NKD1: variants seen among roughly 807,000 people sequenced by gnomAD.
The protein encoded by NKD1 is NKD inhibitor of Wnt signaling pathway 1.
A neutral mutation model predicts 56.0 loss-of-function variants in NKD1; 21 were observed. The ratio of observed to expected loss-of-function variants is 0.38; its 90% CI spans 0.27 to 0.54. The LOEUF is 0.54. NKD1 is among the 20% of genes least tolerant of loss of function. NKD1 has a pLI of 0.82. For missense variants in NKD1, 578 were observed against 642.7 expected, an observed-to-expected ratio of 0.90 and a Z score of 1.09; for synonymous variants, 263 against 265.7, an observed-to-expected ratio of 0.99 and a Z score of 0.10.
rs142749360 is a variant in NKD1 at position 50,555,149 on chromosome 16, G to C, written c.192+5594G>C. Among the ~76,000 whole-genome samples, 833 of 152,228 alleles carry C rather than the reference G, an allele frequency of 5.5e-3. 4 individuals carry two copies. Among genetic ancestry groups the C allele is most frequent in the African/African-American group, 0.019 (794 of 41,526 alleles). On this transcript the variant is annotated intron_variant, in intron 3 of 9. Transcript: ENST00000268459. ...GAGAGAGGAGGAAGGAGTTGGAGGT[G>C]GGGGGAAGAGCTGACCGAGGCCCCA... is the stretch of plus-strand genomic sequence containing the variant.
rs148712959 is a variant in NKD1 at position 50,636,748 on chromosome 16, A to C, written c.*2967A>C. 3.9e-5 allele frequency: 6 copies of C among 152,324 alleles called. No homozygotes were observed. In the East Asian group the frequency reaches 1.2e-3, roughly 29 times the overall value. The allele number at this position is 152,324 out of a possible 1,614,324, so 9.4% of individuals were successfully genotyped here. ...TATATCTTCCCATATGCATTTTGTTAATTTTTAAAGTATTTCAAACACAAA... is the reference window on the plus strand; with the variant it reads ...TATATCTTCCCATATGCATTTTGTTCATTTTTAAAGTATTTCAAACACAAA... On this transcript the variant is annotated 3_prime_UTR_variant, in exon 10 of 10. Transcript: ENST00000268459.
intron 3 of NKD1, among the ~76,000 whole-genome samples, chr16:50,567,887 A>G (rs1009745212): frequency 6.6e-6 from 1 of 152,280 alleles, no homozygotes; most frequent in Non-Finnish European, 1.5e-5. Flanking sequence ...TGAGCTTGTC[A>G]TAAAACTGGC....
In NKD1 at chr16:50,640,851, AAAC is replaced by A. The variant is rs1434273796; in HGVS notation, c.*7074_*7076del. The A allele has an allele frequency of 6.6e-6, 1 of 151,082 alleles. No individual in the cohort carries two copies. The highest frequency in any genetic ancestry group is 2.4e-5 in the African/African-American group (1 of 41,156). 9.4% of individuals were successfully genotyped at this position (151,082 alleles called of 1,614,324 possible). A position where few individuals can be genotyped will look rare whatever the true frequency, so the allele number is the denominator to read the frequency against. On this transcript the variant is annotated 3_prime_UTR_variant, in exon 10 of 10. Coordinates refer to ENST00000268459, the MANE Select transcript of NKD1 (RefSeq NM_033119.5). ...CCAAAAGAAGTTAAAAAGAAAAAAA[AAAC>A]AACCTCATTATGTTGTCTTTGTTTT...
At chr16:50,608,777 G>A (rs1364439023) in intron 4 of NKD1, among the ~76,000 whole-genome samples, 1 of 152,124 alleles carries the variant, frequency 6.6e-6, no homozygotes, top group Non-Finnish European at 1.5e-5. Flanking sequence ...CTCTCTTGGT[G>A]CATGAGTGTG....
intron 3 of NKD1, among the ~76,000 whole-genome samples, chr16:50,590,484 A>G (rs1316355496): frequency 6.6e-6 from 1 of 152,020 alleles, no homozygotes. Flanking sequence ...TGTACTTTAT[A>G]TTCACCTTCA....
intron 3 of NKD1, among the ~76,000 whole-genome samples, chr16:50,562,986 ACCC>A (rs1307651263): frequency 5.0e-5 from 3 of 60,406 alleles, no homozygotes; most frequent in African/African-American, 1.9e-4. Context: ...TCCCACCACC[ACCC>A]CCCCCCCCCG....
chr16:50,566,137 T>C (rs1406951248), intron 3 of NKD1: 1 of 985,066 alleles, frequency 1.0e-6, no homozygotes, highest in African/African-American at 1.7e-5. Context: ...TGTGGTTAAG[T>C]AGGTGTGAAC....
intron 4 of NKD1, among the ~76,000 whole-genome samples, chr16:50,611,693 C>T (rs988188327): frequency 3.3e-5 from 5 of 152,198 alleles, no homozygotes; most frequent in African/African-American, 7.2e-5. Flanking sequence ...ATCTCTCCTC[C>T]CTTGATTCTG....
chr16:50,578,980 A>ATT (rs1961047872), intron 3 of NKD1, among the ~76,000 whole-genome samples: 1 of 152,162 alleles, frequency 6.6e-6, no homozygotes, highest in South Asian at 2.1e-4. Context: ...TAAGGCTGTC[A>ATT]TTGTGCATGT....
chr16:50,586,249 T>C (rs1961227271), intron 3 of NKD1, among the ~76,000 whole-genome samples: 1 of 152,186 alleles, frequency 6.6e-6, no homozygotes. Flanking sequence ...CAGTCACTTG[T>C]AGATACCAGC....
chr16:50,568,557 A>C (rs1960814041), intron 3 of NKD1, among the ~76,000 whole-genome samples: 1 of 152,206 alleles, frequency 6.6e-6, no homozygotes, highest in Non-Finnish European at 1.5e-5. Flanking sequence ...GATCGTTGGC[A>C]GCGAGAGAGG....
Position 50,639,347 on chromosome 16 carries a change from CAG to C in NKD1, c.*5567_*5568del, listed in dbSNP as rs1427365107. ...CCCCCAGAGATGAGCTGAGGTGGGT[CAG>C]GGGTGAAGTGCAGGGATCAGTGTTT... On this transcript the variant is annotated 3_prime_UTR_variant, in exon 10 of 10. Transcript: ENST00000268459. The C allele has an allele frequency of 6.6e-6, 1 of 152,140 alleles. No homozygotes were observed. The highest frequency in any genetic ancestry group is 1.5e-5 in the Non-Finnish European group (1 of 68,040). The allele number at this position is 152,140 out of a possible 1,614,324, so 9.4% of individuals were successfully genotyped here.
At chr16:50,578,290 A>C (rs1270888617) in intron 3 of NKD1, among the ~76,000 whole-genome samples, 1 of 152,238 alleles carries the variant, frequency 6.6e-6, no homozygotes, top group Non-Finnish European at 1.5e-5. Flanking sequence ...AACTAATCAC[A>C]TGGCCCCACC....
At chr16:50,573,546 C>T (rs111298467) in intron 3 of NKD1, among the ~76,000 whole-genome samples, 279 of 152,348 alleles carry the variant, frequency 1.8e-3, no homozygotes, top group African/African-American at 6.1e-3. Context: ...CTCAGGACCT[C>T]CCCTTCTGGG....
intron 3 of NKD1, chr16:50,574,555 T>C: frequency 5.1e-6 from 5 of 985,410 alleles, no homozygotes; most frequent in Non-Finnish European, 6.0e-6. Flanking sequence ...CAGCGTGGTC[T>C]CGCCTTGGAT....
chr16:50,615,011 G>T (rs374731883), intron 4 of NKD1, among the ~76,000 whole-genome samples: 1 of 152,180 alleles, frequency 6.6e-6, no homozygotes, highest in East Asian at 1.9e-4. Flanking sequence ...GGGTCAGGTA[G>T]GGGTACTGAG....
rs192999816 is a variant in NKD1 at position 50,596,000 on chromosome 16, C to G, written c.193-12294C>G. On this transcript the variant is annotated intron_variant, in intron 3 of 9. Coordinates refer to ENST00000268459, the MANE Select transcript of NKD1 (RefSeq NM_033119.5). ...CAGGAGAGAGTGCCACCCTGCTCCC[C>G]CTGAGCCCCCGATGACAGCCTGGCT... 5.2e-3 allele frequency among the ~76,000 whole-genome samples: 791 copies of G among 152,352 alleles called. 8 individuals are homozygous for G. Among genetic ancestry groups the G allele is most frequent in the Middle Eastern group, 0.017 (5 of 294 alleles).
chr16:50,609,388 A>G (rs1961790717), intron 4 of NKD1, among the ~76,000 whole-genome samples: 1 of 152,228 alleles, frequency 6.6e-6, no homozygotes, highest in Non-Finnish European at 1.5e-5. Flanking sequence ...AGGGAAAGAA[A>G]TCACCAAATG....
Position 50,579,623 on chromosome 16 carries a change from C to T in NKD1, c.193-28671C>T, listed in dbSNP as rs1224184666. Among the ~76,000 whole-genome samples the T allele has an allele frequency of 5.2e-5, 7 of 135,828 alleles. No individual in the cohort carries two copies. In the South Asian group the frequency reaches 1.6e-3, roughly 32 times the overall value. The allele number at this position is 135,828 out of a possible 152,430, so 89.1% of individuals were successfully genotyped here. A position where few individuals can be genotyped will look rare whatever the true frequency, so the allele number is the denominator to read the frequency against. Reference sequence around the variant, plus strand: ...GCTACACACGCACTCTAACCCGCCACGCATGCACTGTCTTACTCCTGCGGG... The same window carrying T: ...GCTACACACGCACTCTAACCCGCCATGCATGCACTGTCTTACTCCTGCGGG... On this transcript the variant is annotated intron_variant, in intron 3 of 9. Transcript: ENST00000268459.
Sources: allele counts gnomAD v4.1 joint callset (sites outside exome capture counted in the v4.1 genomes callset), GRCh38; gene constraint gnomAD v4.1.1; transcripts MANE v1.5; gene names NCBI Gene and HGNC (gene_info 2026-07-23, HGNC 2026-07-21).